ZNF487: variants seen among roughly 807,000 people sequenced by gnomAD.
ZNF487 encodes KRAB domain only 1.
In ZNF487, 4 loss-of-function variants were observed where a neutral mutation model predicts 3.0. The ratio of observed to expected loss-of-function variants is 1.35; its 90% CI spans 0.66 to 3.08. The LOEUF (loss-of-function observed/expected upper bound fraction) is 3.08, where lower values mean the gene tolerates loss of function less well. ZNF487 is among the 30% of genes most tolerant of loss of function. The probability of loss-of-function intolerance (pLI) is 0.01; values close to 1 mark genes in which losing one functional copy is unlikely to be tolerated. For missense variants in ZNF487, 146 were observed against 98.7 expected (o/e 1.48, Z -2.03); for synonymous variants, 55 against 34.6 (o/e 1.59, Z -2.06).
At chr10:43,491,114 G>A in the ZNF487 span, among the ~76,000 whole-genome samples, 1 of 147,972 alleles carries the variant, frequency 6.8e-6, no homozygotes, top group Admixed American at 6.7e-5. Flanking sequence ...CTACAGACAT[G>A]TGCCACTATG....
intron 1 of ZNF487, among the ~76,000 whole-genome samples, chr10:43,456,003 G>A (rs1840185842): frequency 6.6e-6 from 1 of 152,236 alleles, no homozygotes; most frequent in Non-Finnish European, 1.5e-5. Flanking sequence ...CATGGTTACA[G>A]TACTGAGCCC....
In ZNF487 at chr10:43,437,144, G is replaced by A; in HGVS notation, c.-212G>A. On this transcript the variant is annotated 5_prime_UTR_variant, in exon 1 of 4. An upstream open reading frame in the 5' UTR gains an earlier in-frame stop. Transcript: ENST00000437590. Reference sequence around the variant, plus strand: ...CTGCGGCAGTTTCCATGGTGAGATGGTCAACAAGCCTGTAAGTTCCTCAGC... The same window carrying A: ...CTGCGGCAGTTTCCATGGTGAGATGATCAACAAGCCTGTAAGTTCCTCAGC... 3 of 294,566 alleles carry A rather than the reference G, an allele frequency of 1.0e-5. No homozygotes were observed. Among genetic ancestry groups the A allele is most frequent in the Non-Finnish European group, 2.0e-5 (3 of 150,100 alleles). 18.2% of individuals were successfully genotyped at this position (294,566 alleles called of 1,614,324 possible).
At chr10:43,444,499 C>T (rs58723653) in intron 1 of ZNF487, among the ~76,000 whole-genome samples, 17 of 152,096 alleles carry the variant, frequency 1.1e-4, no homozygotes, top group African/African-American at 3.9e-4. Flanking sequence ...TTTTTGTTGC[C>T]GGGCGTGGTG....
intron 1 of ZNF487, among the ~76,000 whole-genome samples, chr10:43,469,361 T>C (rs1293286113): frequency 2.6e-5 from 4 of 152,008 alleles, no homozygotes; most frequent in African/African-American, 9.7e-5. Flanking sequence ...ACCCGGCTAA[T>C]TTTTGTATTT....
At chr10:43,484,638 T>G (rs1046340132), downstream of ZNF487, among the ~76,000 whole-genome samples, 3 of 152,168 alleles carry the variant, frequency 2.0e-5, no homozygotes, top group Non-Finnish European at 2.9e-5. Flanking sequence ...CTTTATTCCT[T>G]TGCATAGCTG....
chr10:43,450,931 CATTATT>C (rs1184032922), intron 1 of ZNF487, among the ~76,000 whole-genome samples: 2 of 152,048 alleles, frequency 1.3e-5, no homozygotes, highest in African/African-American at 2.4e-5. Context: ...GAGTTTGCAC[CATTATT>C]ATTATTTTTT....
intron 1 of ZNF487, among the ~76,000 whole-genome samples, chr10:43,463,424 G>A (rs1840507271): frequency 6.6e-6 from 1 of 151,986 alleles, no homozygotes; most frequent in South Asian, 2.1e-4. Context: ...TGTAGTCCCA[G>A]CTACTCGGGA....
the ZNF487 span, among the ~76,000 whole-genome samples, chr10:43,501,185 G>T: frequency 6.6e-6 from 1 of 151,956 alleles, no homozygotes; most frequent in East Asian, 1.9e-4. Context: ...ACATAGAAAA[G>T]GTACAGTAAA....
intron 1 of ZNF487, among the ~76,000 whole-genome samples, chr10:43,474,515 T>C (rs1841023603): frequency 6.6e-6 from 1 of 152,076 alleles, no homozygotes; most frequent in South Asian, 2.1e-4. Flanking sequence ...TAGTGTGCAA[T>C]GATCATGCCT....
chr10:43,466,446 A>C (rs1195498650), intron 1 of ZNF487, among the ~76,000 whole-genome samples: 2 of 142,320 alleles, frequency 1.4e-5, no homozygotes, highest in Non-Finnish European at 3.0e-5. Context: ...TTTGTCACCC[A>C]GGCTGGAGTA....
upstream of ZNF487, chr10:43,437,024 A>C (rs1839409625): frequency 2.7e-6 from 1 of 366,882 alleles, no homozygotes; most frequent in African/African-American, 2.3e-5. Flanking sequence ...GGCACGCGGG[A>C]GCAGCAAGGC....
intron 1 of ZNF487, among the ~76,000 whole-genome samples, chr10:43,457,503 C>CG (rs1347825951): frequency 1.4e-5 from 2 of 145,912 alleles, no homozygotes; most frequent in Admixed American, 7.0e-5. Context: ...TGCAGTGAGC[C>CG]GAGATTGCAT....
chr10:43,489,982 A>T, the ZNF487 span, among the ~76,000 whole-genome samples: 1 of 152,152 alleles, frequency 6.6e-6, no homozygotes, highest in African/African-American at 2.4e-5. Context: ...ATTGGATTTT[A>T]AAAAAAGCAA....
intron 1 of ZNF487, among the ~76,000 whole-genome samples, chr10:43,457,192 G>A (rs1840237074): frequency 6.6e-6 from 1 of 152,008 alleles, no homozygotes; most frequent in African/African-American, 2.4e-5. Context: ...GTTGTAGTGA[G>A]CCGAGATAGA....
chr10:43,493,136 A>C, the ZNF487 span, among the ~76,000 whole-genome samples: 1 of 152,176 alleles, frequency 6.6e-6, no homozygotes, highest in Admixed American at 6.5e-5. Context: ...TGGCTGAGGC[A>C]GGAGAATTCC....
the ZNF487 span, among the ~76,000 whole-genome samples, chr10:43,519,916 C>T: frequency 6.6e-6 from 1 of 152,122 alleles, no homozygotes; most frequent in South Asian, 2.1e-4. Context: ...CTTGTTTGCC[C>T]TTTTCATTCT....
intron 1 of ZNF487, among the ~76,000 whole-genome samples, chr10:43,444,007 C>T (rs1200408935): frequency 6.6e-6 from 1 of 151,942 alleles, no homozygotes; most frequent in East Asian, 1.9e-4. Context: ...TGTGCACCAC[C>T]ACACCTGGCT....
chr10:43,438,511 G>C (rs1564409214), intron 1 of ZNF487, among the ~76,000 whole-genome samples: 1 of 152,126 alleles, frequency 6.6e-6, no homozygotes, highest in Non-Finnish European at 1.5e-5. Flanking sequence ...ATATACCCTT[G>C]TGTATTGTTG....
intron 1 of ZNF487, among the ~76,000 whole-genome samples, chr10:43,449,375 CA>C (rs1564414276): frequency 6.6e-6 from 1 of 152,040 alleles, no homozygotes. Flanking sequence ...TATTGACATA[CA>C]CAAGTCACAG....
Sources: allele counts gnomAD v4.1 joint callset (sites outside exome capture counted in the v4.1 genomes callset), GRCh38; gene constraint gnomAD v4.1.1; transcripts MANE v1.5; gene names NCBI Gene and HGNC (gene_info 2026-07-23, HGNC 2026-07-21).